The following EHMT1 variants were observed in gnomAD, a reference collection of about 807,000 sequenced individuals.
EHMT1 encodes euchromatic histone lysine methyltransferase 1.
A neutral mutation model predicts 147.2 loss-of-function variants in EHMT1; 15 were observed. The ratio of observed to expected loss-of-function variants is 0.10; its 90% CI spans 0.07 to 0.16. The LOEUF is 0.16. Ranked by LOEUF, EHMT1 falls within the 10% of genes least tolerant of loss-of-function variation. The pLI is 1.00. For synonymous variants in EHMT1, 795 were observed against 709.6 expected, an observed-to-expected ratio of 1.12 and a Z score of -1.91; for missense variants, 1,587 against 1,772.4, an observed-to-expected ratio of 0.90 and a Z score of 1.88.
At chr9:137,795,401 G>GCACACACACACACACA (rs554055210) in intron 16 of EHMT1, among the ~76,000 whole-genome samples, 16,594 of 129,924 alleles carry the variant, frequency 0.13, 1,124 homozygotes, top group South Asian at 0.22. Flanking sequence ...ATCGCAGGGT[G>GCACACACACACACACA]CACACACACA....
intron 1 of EHMT1, 67 bp from the exon 2 acceptor site, chr9:137,710,900 A>G: frequency 6.5e-7 from 1 of 1,530,890 alleles, no homozygotes; most frequent in African/African-American, 1.4e-5. Context: ...CTTTTTCCAA[A>G]TGATGTCCAT....
intron 4 of EHMT1, among the ~76,000 whole-genome samples, chr9:137,734,815 A>C (rs1390230158): frequency 6.6e-6 from 1 of 152,250 alleles, no homozygotes; most frequent in African/African-American, 2.4e-5. Context: ...GTGATAAAAA[A>C]ATCTTTCAAC....
intron 17 of EHMT1, among the ~76,000 whole-genome samples, chr9:137,800,222 C>A (rs1448047940): frequency 2.0e-5 from 3 of 152,192 alleles, no homozygotes; most frequent in Non-Finnish European, 4.4e-5. Context: ...AGAAAAGTTG[C>A]CTTTTTCTGG....
In EHMT1 at chr9:137,828,767, G is replaced by A. The variant is rs1252947623; in HGVS notation, c.3541-5582G>A. ...AAAACCACAAAAATGAGAAGACCAGGAATAGCAAGTCCCCAGCCCTGGGGC... is the reference window on the plus strand; with the variant it reads ...AAAACCACAAAAATGAGAAGACCAGAAATAGCAAGTCCCCAGCCCTGGGGC... On this transcript the variant is annotated intron_variant, in intron 25 of 26. Transcript: ENST00000460843. This position sits in a 1 kb window ranked among gnomAD's most constrained non-coding sequence, Gnocchi z 5.3. Among the ~76,000 whole-genome samples the A allele has an allele frequency of 2.6e-5, 4 of 152,122 alleles. No homozygotes were observed. Among genetic ancestry groups the A allele is most frequent in the African/African-American group, 7.2e-5 (3 of 41,436 alleles).
intron 4 of EHMT1, among the ~76,000 whole-genome samples, chr9:137,734,551 A>G (rs2135899307): frequency 6.6e-6 from 1 of 152,308 alleles, no homozygotes; most frequent in South Asian, 2.1e-4. Flanking sequence ...AGAGAGTAAG[A>G]AAAGGGTGGA....
intron 21 of EHMT1, among the ~76,000 whole-genome samples, chr9:137,814,098 G>A (rs1954733815): frequency 1.6e-5 from 2 of 126,370 alleles, no homozygotes; most frequent in African/African-American, 3.2e-5. Flanking sequence ...GGTGTGTCAG[G>A]CTCTGTGTTC....
chr9:137,643,375 C>T (rs911637154), intron 1 of EHMT1, among the ~76,000 whole-genome samples: 6 of 146,696 alleles, frequency 4.1e-5, no homozygotes, highest in African/African-American at 1.0e-4. Context: ...GAGTCTCACC[C>T]TCTCGCCCAG....
chr9:137,709,280 C>T (rs1944494445), intron 1 of EHMT1, among the ~76,000 whole-genome samples: 2 of 152,170 alleles, frequency 1.3e-5, no homozygotes, highest in Non-Finnish European at 2.9e-5. Context: ...TGGCGTACAG[C>T]TGTGATGGAC....
rs993233661 is a variant in EHMT1, at chr9:137,835,085, G to A, written c.*132G>A. ...GCGCCGCCGGCTTCCTGGAGGGGTC[G>A]GAGGTGAGGCTGCAGCCCCTGCGGG... On this transcript the variant is annotated 3_prime_UTR_variant, in exon 27 of 27. Coordinates refer to ENST00000460843, the MANE Select transcript of EHMT1 (RefSeq NM_024757.5). 7.2e-6 allele frequency: 8 copies of A among 1,118,620 alleles called. No homozygotes were observed. Among genetic ancestry groups the A allele is most frequent in the African/African-American group, 6.7e-5 (4 of 59,476 alleles). 69.3% of individuals were successfully genotyped at this position (1,118,620 alleles called of 1,614,324 possible). A position where few individuals can be genotyped will look rare whatever the true frequency, so the allele number is the denominator to read the frequency against.
chr9:137,777,318 C>CA (rs1235307560), intron 12 of EHMT1: 2 of 189,832 alleles, frequency 1.1e-5, no homozygotes, highest in East Asian at 1.4e-4. Flanking sequence ...TTTTAGAGCT[C>CA]AAAAGAGTCA....
intron 18 of EHMT1, among the ~76,000 whole-genome samples, chr9:137,805,882 C>T (rs1051183533): frequency 6.7e-6 from 1 of 150,220 alleles, no homozygotes; most frequent in African/African-American, 2.5e-5. Context: ...AGGCTGGTCT[C>T]AAACTCCTGA....
intron 6 of EHMT1, among the ~76,000 whole-genome samples, chr9:137,749,591 C>A (rs993793947): frequency 6.6e-6 from 1 of 152,148 alleles, no homozygotes; most frequent in African/African-American, 2.4e-5. Context: ...TGAGCCATGG[C>A]GCCCAGCCTC....
At chr9:137,820,434 C>T (rs571932019) in intron 25 of EHMT1, among the ~76,000 whole-genome samples, 67 of 152,330 alleles carry the variant, frequency 4.4e-4, no homozygotes, top group African/African-American at 1.4e-3. Context: ...CCACAGATGT[C>T]GCCTTCTCTC....
At chr9:137,802,924 C>T in intron 18 of EHMT1, 1 of 1,232,578 alleles carries the variant, frequency 8.1e-7, no homozygotes, top group African/African-American at 1.5e-5. Flanking sequence ...GCAGAGGAGC[C>T]CTGAGCTGGT....
chr9:137,748,884 G>C (rs892449027), intron 6 of EHMT1, among the ~76,000 whole-genome samples: 4 of 152,072 alleles, frequency 2.6e-5, no homozygotes, highest in African/African-American at 9.7e-5. Flanking sequence ...TCTGCATGTG[G>C]CCTGCCTTTT....
rs551676373 is a variant in EHMT1 at position 137,685,526 on chromosome 9, C to T, written c.22-25441C>T. ...TATCTTCTGGCTCTTGTGAATAATG[C>T]TGCTTCGAACATGTATATGCGAGTA... On this transcript the variant is annotated intron_variant, in intron 1 of 26. Coordinates refer to ENST00000460843, the MANE Select transcript of EHMT1 (RefSeq NM_024757.5). Among the ~76,000 whole-genome samples, 22 of 152,276 alleles carry T rather than the reference C, an allele frequency of 1.4e-4. No individual in the cohort carries two copies. The South Asian group carries it at 4.6e-3, about 32-fold the overall frequency.
rs553932798 is a variant in EHMT1, at chr9:137,693,180, A to G, written c.22-17787A>G. Among the ~76,000 whole-genome samples, 180 of 152,316 alleles carry G rather than the reference A, an allele frequency of 1.2e-3. 2 individuals are homozygous for G. The highest frequency in any genetic ancestry group is 4.3e-3 in the African/African-American group (177 of 41,572). On this transcript the variant is annotated intron_variant, in intron 1 of 26. Coordinates refer to ENST00000460843, the MANE Select transcript of EHMT1 (RefSeq NM_024757.5). ...AGCCACAGCGTGGAGTTGGAGACGCACAGTGAGGCCGGGCTAAGGGGACTG... is the reference window on the plus strand; with the variant it reads ...AGCCACAGCGTGGAGTTGGAGACGCGCAGTGAGGCCGGGCTAAGGGGACTG...
chr9:137,633,658 G>C (rs1843770216), intron 1 of EHMT1, among the ~76,000 whole-genome samples: 1 of 151,930 alleles, frequency 6.6e-6, no homozygotes, highest in South Asian at 2.1e-4. Context: ...ACTACTTCCA[G>C]ATCATTCCGT....
chr9:137,734,325 G>C (rs781655919), intron 4 of EHMT1, among the ~76,000 whole-genome samples: 8 of 152,186 alleles, frequency 5.3e-5, no homozygotes, highest in Admixed American at 6.5e-5. Context: ...AAATTCTGGA[G>C]CTAAAAAGTA....
Sources: allele counts gnomAD v4.1 joint callset (sites outside exome capture counted in the v4.1 genomes callset), GRCh38; gene constraint gnomAD v4.1.1; non-coding constraint Gnocchi (gnomAD v3.1); transcripts MANE v1.5; gene names NCBI Gene and HGNC (gene_info 2026-07-23, HGNC 2026-07-21).